TSPAN5: variants seen among roughly 807,000 people sequenced by gnomAD.
The protein encoded by TSPAN5 is tetraspanin 5.
TSPAN5 carries 10 observed loss-of-function variants against 37.1 expected under a neutral mutation model. The observed-to-expected ratio is 0.27, with a 90% confidence interval of 0.17 to 0.46. The LOEUF is 0.46. TSPAN5 is among the 20% of genes least tolerant of loss of function. TSPAN5 has a pLI of 1.00. For missense variants in TSPAN5, 195 were observed against 326.6 expected (o/e 0.60, Z 3.11); for synonymous variants, 110 against 118.9 (o/e 0.93, Z 0.48).
rs545316780 is a variant in TSPAN5, at chr4:98,521,395, A to G, written c.82-13667T>C. 5.8e-4 allele frequency among the ~76,000 whole-genome samples: 88 copies of G among 152,340 alleles called. 1 individual carries two copies. The Middle Eastern group carries it at 0.01, about 18-fold the overall frequency. On this transcript the variant is annotated intron_variant, in intron 1 of 7. Transcript: ENST00000305798. ...CTAAGTTCAGGGTTCCTCTCCTAGAATACAACTCACTATGTATCACCTGGC... is the reference window on the plus strand; with the variant it reads ...CTAAGTTCAGGGTTCCTCTCCTAGAGTACAACTCACTATGTATCACCTGGC...
intron 1 of TSPAN5, among the ~76,000 whole-genome samples, chr4:98,605,469 C>T (rs1244634278): frequency 1.3e-5 from 2 of 152,142 alleles, no homozygotes; most frequent in East Asian, 3.9e-4. Flanking sequence ...GCCCTACCTC[C>T]TAATTCAGCA....
intron 1 of TSPAN5, among the ~76,000 whole-genome samples, chr4:98,582,923 T>C (rs540680652): frequency 6.6e-6 from 1 of 152,302 alleles, no homozygotes; most frequent in South Asian, 2.1e-4. Context: ...CTGTTATGAG[T>C]TGTGAATTCC....
chr4:98,634,963 G>A (rs927193175), intron 1 of TSPAN5, among the ~76,000 whole-genome samples: 1 of 152,170 alleles, frequency 6.6e-6, no homozygotes, highest in African/African-American at 2.4e-5. Context: ...AGACCTGTGA[G>A]TGATTTGACA....
intron 1 of TSPAN5, among the ~76,000 whole-genome samples, chr4:98,629,786 T>G (rs1337773034): frequency 6.6e-6 from 1 of 152,166 alleles, no homozygotes; most frequent in Non-Finnish European, 1.5e-5. Flanking sequence ...AGAAAAAGAC[T>G]GTTGCTATTC....
chr4:98,568,316 G>A (rs2110178162), intron 1 of TSPAN5, among the ~76,000 whole-genome samples: 1 of 152,278 alleles, frequency 6.6e-6, no homozygotes, highest in African/African-American at 2.4e-5. Flanking sequence ...GCCAAGGCAG[G>A]CGGATCAAGA....
At chr4:98,546,433 A>C (rs1272175479) in intron 1 of TSPAN5, among the ~76,000 whole-genome samples, 2 of 152,236 alleles carry the variant, frequency 1.3e-5, no homozygotes, top group Admixed American at 1.3e-4. Context: ...TTGGTGAGCC[A>C]TGAAAATGAT....
intron 1 of TSPAN5, among the ~76,000 whole-genome samples, chr4:98,570,402 G>C (rs1278374032): frequency 6.6e-6 from 1 of 152,338 alleles, no homozygotes; most frequent in East Asian, 1.9e-4. Flanking sequence ...CCTACGTAAA[G>C]ACCACAGATT....
At chr4:98,618,020 G>A (rs1756378442) in intron 1 of TSPAN5, among the ~76,000 whole-genome samples, 1 of 152,344 alleles carries the variant, frequency 6.6e-6, no homozygotes, top group South Asian at 2.1e-4. Context: ...AACAGAAGGT[G>A]TGGAGCTCTT....
chr4:98,645,311 T>C (rs1312362883), intron 1 of TSPAN5, among the ~76,000 whole-genome samples: 2 of 152,228 alleles, frequency 1.3e-5, no homozygotes, highest in Non-Finnish European at 2.9e-5. Context: ...TATATGCATT[T>C]GAATAGTGAT....
At chr4:98,647,642 A>G (rs551763151) in intron 1 of TSPAN5, among the ~76,000 whole-genome samples, 10 of 152,224 alleles carry the variant, frequency 6.6e-5, no homozygotes, top group Admixed American at 2.6e-4. Flanking sequence ...TTCCCTTCCA[A>G]TGAAGAGAGC....
At chr4:98,535,279 C>T (rs1437111526) in intron 1 of TSPAN5, among the ~76,000 whole-genome samples, 3 of 152,104 alleles carry the variant, frequency 2.0e-5, no homozygotes, top group Non-Finnish European at 4.4e-5. Context: ...TTTATTTCTC[C>T]TTCGCTTATG....
chr4:98,475,477 A>T (rs1027519603), intron 7 of TSPAN5, among the ~76,000 whole-genome samples: 3 of 152,182 alleles, frequency 2.0e-5, no homozygotes, highest in Non-Finnish European at 4.4e-5. Context: ...AAGGGGTATG[A>T]CATCTCTGTG....
chr4:98,551,996 T>C (rs1475787117), intron 1 of TSPAN5, among the ~76,000 whole-genome samples: 1 of 152,188 alleles, frequency 6.6e-6, no homozygotes, highest in East Asian at 1.9e-4. Flanking sequence ...GAGCATATAG[T>C]TGTTAATAAT....
intron 1 of TSPAN5, among the ~76,000 whole-genome samples, chr4:98,574,068 A>G (rs1248581353): frequency 6.6e-6 from 1 of 152,240 alleles, no homozygotes; most frequent in Non-Finnish European, 1.5e-5. Context: ...CTACAAGGCT[A>G]ATGATCCCAT....
intron 1 of TSPAN5, among the ~76,000 whole-genome samples, chr4:98,542,448 G>A (rs1754379142): frequency 6.6e-6 from 1 of 151,752 alleles, no homozygotes; most frequent in Non-Finnish European, 1.5e-5. Flanking sequence ...GGGCATAGTG[G>A]CTCATGCCTG....
intron 1 of TSPAN5, among the ~76,000 whole-genome samples, chr4:98,613,061 C>T (rs942635436): frequency 6.6e-6 from 1 of 152,036 alleles, no homozygotes; most frequent in Non-Finnish European, 1.5e-5. Context: ...TTTCTGTCCT[C>T]TTCACCATTT....
intron 1 of TSPAN5, among the ~76,000 whole-genome samples, chr4:98,656,464 G>A (rs988574807): frequency 1.3e-5 from 2 of 152,202 alleles, no homozygotes; most frequent in Non-Finnish European, 2.9e-5. Flanking sequence ...AAAGTTTCAA[G>A]TTCCAATCAA....
chr4:98,620,660 A>C (rs1756460171), intron 1 of TSPAN5, among the ~76,000 whole-genome samples: 1 of 152,220 alleles, frequency 6.6e-6, no homozygotes, highest in African/African-American at 2.4e-5. Flanking sequence ...CTGAAGGGTG[A>C]AAAGACCTCC....
At chr4:98,545,746 G>C (rs376185114) in intron 1 of TSPAN5, among the ~76,000 whole-genome samples, 3 of 152,076 alleles carry the variant, frequency 2.0e-5, no homozygotes, top group African/African-American at 7.2e-5. Flanking sequence ...TGCCTAGGCT[G>C]GTCTAGAACT....
Sources: allele counts gnomAD v4.1 joint callset (sites outside exome capture counted in the v4.1 genomes callset), GRCh38; gene constraint gnomAD v4.1.1; transcripts MANE v1.5; gene names NCBI Gene and HGNC (gene_info 2026-07-23, HGNC 2026-07-21).